Variants in NAV2 observed in about 807,000 individuals in gnomAD.
NAV2 encodes the protein neuron navigator 2, also known as helicase, APC down-regulated 1.
Under a neutral mutation model 223.2 loss-of-function variants are expected in NAV2, and 54 were observed. The ratio of observed to expected loss-of-function variants is 0.24; its 90% confidence interval spans 0.19 to 0.30. The LOEUF (loss-of-function observed/expected upper bound fraction) is 0.30. Ranked by LOEUF, NAV2 falls within the 10% of genes least tolerant of loss-of-function variation. The pLI, the probability that NAV2 is intolerant of heterozygous loss-of-function variation, is 1.00. For missense variants in NAV2, 2,806 were observed against 3,147.5 expected (o/e 0.89, Z 2.60); for synonymous variants, 1,279 against 1,239.3 (o/e 1.03, Z -0.67).
At chr11:19,916,434 G>A (rs1364565467) in intron 6 of NAV2, among the ~76,000 whole-genome samples, 4 of 152,302 alleles carry the variant, frequency 2.6e-5, no homozygotes, top group Admixed American at 6.5e-5. Context: ...AGTTGCTGTT[G>A]CTGTTAACTG....
intron 4 of NAV2, among the ~76,000 whole-genome samples, chr11:19,873,964 C>G (rs1446865484): frequency 6.6e-6 from 1 of 152,142 alleles, no homozygotes; most frequent in Non-Finnish European, 1.5e-5. Flanking sequence ...CTGGGTAAAC[C>G]TCACACAACC....
intron 1 of NAV2, among the ~76,000 whole-genome samples, chr11:19,781,303 GC>G (rs1295683144): frequency 3.3e-5 from 5 of 152,142 alleles, no homozygotes; most frequent in African/African-American, 1.2e-4. Flanking sequence ...CAGTATAGAT[GC>G]CTGTGCTCAC....
At chr11:19,608,175 G>A (rs1377687737) in intron 1 of NAV2, among the ~76,000 whole-genome samples, 1 of 152,206 alleles carries the variant, frequency 6.6e-6, no homozygotes, top group Non-Finnish European at 1.5e-5. Context: ...GAGGCTTGGG[G>A]ACTGTTCAGA....
intron 6 of NAV2, among the ~76,000 whole-genome samples, chr11:19,920,222 A>C (rs1350140845): frequency 2.6e-5 from 4 of 152,220 alleles, no homozygotes; most frequent in Non-Finnish European, 2.9e-5. Context: ...AATGTCTCTG[A>C]GCTGCAGTAA....
intron 1 of NAV2, among the ~76,000 whole-genome samples, chr11:19,374,248 G>A (rs191052087): frequency 1.3e-5 from 2 of 149,754 alleles, no homozygotes; most frequent in East Asian, 4.0e-4. Context: ...AGCTCCAGCA[G>A]ATGACAATTT....
At position 20,039,404 on chromosome 11, in the gene NAV2, T is replaced by C. The variant is rs76227742; in HGVS notation, c.2907+3307T>C. On this transcript the variant is annotated intron_variant, in intron 12 of 37. Coordinates refer to ENST00000349880, the MANE Select transcript of NAV2 (RefSeq NM_145117.5). ...AGAAGTTACTTTCTTTCCTTCTTCC[T>C]TCCCTCCATTTCTCTTATCTCTCCC... Among the ~76,000 whole-genome samples the C allele has an allele frequency of 1.4e-4, 21 of 152,218 alleles. No homozygotes were observed. In the East Asian group the frequency reaches 4.1e-3, roughly 30 times the overall value.
intron 11 of NAV2, among the ~76,000 whole-genome samples, chr11:20,022,144 A>T (rs938749093): frequency 2.6e-5 from 4 of 152,242 alleles, no homozygotes; most frequent in Admixed American, 1.3e-4. Flanking sequence ...TTTGGAGAAC[A>T]TCTTAATCCT....
Position 20,120,963 on chromosome 11 carries a change from A to G in NAV2, c.*2705A>G, listed in dbSNP as rs927966879. ...ATGCAACATTTATGTTGAGTTACCAATGGAAGCCAAAAGTTCTCTTCCCAA... is the reference window on the plus strand; with the variant it reads ...ATGCAACATTTATGTTGAGTTACCAGTGGAAGCCAAAAGTTCTCTTCCCAA... On this transcript the variant is annotated 3_prime_UTR_variant, in exon 38 of 38. Coordinates refer to ENST00000349880, the MANE Select transcript of NAV2 (RefSeq NM_145117.5). The G allele has an allele frequency of 7.2e-5, 11 of 152,580 alleles. No homozygotes were observed. Among genetic ancestry groups the G allele is most frequent in the African/African-American group, 2.4e-4 (10 of 41,442 alleles). 9.5% of individuals were successfully genotyped at this position (152,580 alleles called of 1,614,324 possible). A position where few individuals can be genotyped will look rare whatever the true frequency, so the allele number is the denominator to read the frequency against.
chr11:19,900,293 A>G (rs2042344491), intron 6 of NAV2, among the ~76,000 whole-genome samples: 1 of 58,690 alleles, frequency 1.7e-5, no homozygotes, highest in African/African-American at 3.1e-5. Context: ...AGTTGTATCA[A>G]AGTCTCGGGG....
intron 1 of NAV2, among the ~76,000 whole-genome samples, chr11:19,627,470 G>T (rs10833142): frequency 6.6e-6 from 1 of 151,918 alleles, no homozygotes; most frequent in Non-Finnish European, 1.5e-5. Flanking sequence ...CATGGAAGTG[G>T]GAGGTTTTTC....
intron 1 of NAV2, among the ~76,000 whole-genome samples, chr11:19,619,943 T>C (rs560787931): frequency 1.7e-3 from 258 of 152,308 alleles, no homozygotes; most frequent in African/African-American, 5.4e-3. Context: ...TTGTATAAGG[T>C]GTAAGGAAGG....
In NAV2 at chr11:20,103,245, G is replaced by T. The variant is rs1449221946; in HGVS notation, c.6418-10G>T. On this transcript the variant is annotated splice_polypyrimidine_tract_variant and intron_variant, in intron 32 of 37. Coordinates refer to ENST00000349880, the MANE Select transcript of NAV2 (RefSeq NM_145117.5). Reference sequence around the variant, plus strand: ...CACTTGTTCTCCTTCGGCCTTCCTGGCCACCATAGGAATTGCGCCAGTACC... The same window carrying T: ...CACTTGTTCTCCTTCGGCCTTCCTGTCCACCATAGGAATTGCGCCAGTACC... 1 of 1,607,548 alleles carries T rather than the reference G, an allele frequency of 6.2e-7. No individual in the cohort carries two copies. Among genetic ancestry groups the T allele is most frequent in the South Asian group, 1.1e-5 (1 of 90,004 alleles).
chr11:19,475,277 G>T (rs2042082949), intron 1 of NAV2, among the ~76,000 whole-genome samples: 1 of 152,216 alleles, frequency 6.6e-6, no homozygotes, highest in Admixed American at 6.5e-5. Context: ...CTGTCCTCTT[G>T]TTTCTCAGAA....
chr11:19,949,113 A>G, intron 10 of NAV2, 33 bp downstream of exon 10: 4 of 1,545,010 alleles, frequency 2.6e-6, no homozygotes, highest in East Asian at 2.3e-5. Context: ...TCTCCCAGAG[A>G]GAAAGAGGGC....
intron 6 of NAV2, among the ~76,000 whole-genome samples, chr11:19,930,609 G>C (rs143896975): frequency 1.3e-5 from 2 of 152,286 alleles, no homozygotes; most frequent in East Asian, 3.9e-4. Context: ...CATGAAGGCA[G>C]AGATTTCTAT....
rs190531141 is a variant in NAV2 at position 19,761,663 on chromosome 11, C to T, written c.267+47701C>T. 2.3e-3 allele frequency among the ~76,000 whole-genome samples: 348 copies of T among 152,282 alleles called. 2 individuals are homozygous for T. Among genetic ancestry groups the T allele is most frequent in the African/African-American group, 7.8e-3 (325 of 41,556 alleles). On this transcript the variant is annotated intron_variant, in intron 1 of 37. Transcript: ENST00000349880. ...CACCCAGCTACTGTAACCCCAACTG[C>T]GATGTCCACTGACGTAGCCATTTCC...
At chr11:19,871,384 A>T (rs2062481515) in intron 4 of NAV2, among the ~76,000 whole-genome samples, 1 of 152,084 alleles carries the variant, frequency 6.6e-6, no homozygotes, top group South Asian at 2.1e-4. Flanking sequence ...TGCCGGCGTG[A>T]CTTTCTCTCC....
At chr11:19,807,294 C>G (rs1302722735) in intron 1 of NAV2, among the ~76,000 whole-genome samples, 2 of 152,192 alleles carry the variant, frequency 1.3e-5, no homozygotes, top group Non-Finnish European at 2.9e-5. Flanking sequence ...AACCCTGAAG[C>G]AGGAGAGTGA....
At chr11:19,618,270 A>T (rs1406541240) in intron 1 of NAV2, among the ~76,000 whole-genome samples, 1 of 150,914 alleles carries the variant, frequency 6.6e-6, no homozygotes, top group African/African-American at 2.4e-5. Context: ...GGGTGGCTGG[A>T]TGGATCAATG....
Sources: allele counts gnomAD v4.1 joint callset (sites outside exome capture counted in the v4.1 genomes callset), GRCh38; gene constraint gnomAD v4.1.1; transcripts MANE v1.5; gene names NCBI Gene and HGNC (gene_info 2026-07-23, HGNC 2026-07-21).